The following KLK3 variants were observed in gnomAD, a reference collection of about 807,000 sequenced individuals.
The protein encoded by KLK3 is prostate-specific antigen.
In KLK3, 23 loss-of-function variants were observed where a neutral mutation model predicts 27.7. That is an observed-to-expected ratio of 0.83 (90% CI 0.60 to 1.17). The LOEUF is 1.17. Among genes scored for constraint, KLK3 ranks in the 50% most tolerant of loss-of-function variants. KLK3 has a pLI of 0.00. For missense variants in KLK3, 322 were observed against 338.1 expected (o/e 0.95, Z 0.37); for synonymous variants, 142 against 134.2 (o/e 1.06, Z -0.40).
chr19:50,857,928 C>T (rs2090159147), intron 2 of KLK3, 101 bp from the exon 3 acceptor site: 2 of 1,285,432 alleles, frequency 1.6e-6, no homozygotes, highest in Admixed American at 2.4e-5. Context: ...GTTTTTCTCA[C>T]TGTTTCTTTT....
Position 50,858,104 on chromosome 19 carries a change from C to T in KLK3, c.282C>T (p.His94=). The T allele has an allele frequency of 1.9e-6, 3 of 1,614,128 alleles. No homozygotes were observed. Among genetic ancestry groups the T allele is most frequent in the South Asian group, 1.1e-5 (1 of 91,078 alleles). Residue 94 remains histidine, a synonymous_variant, in exon 3 of 5, where the codon CAC becomes CAT. Transcript: ENST00000326003. ...CAGGCCAGGTATTTCAGGTCAGCCA[C>T]AGCTTCCCACACCCGCTCTACGATA... ...EDTGQVFQVS[H]SFPHPLYDMS...
Position 50,860,165 on chromosome 19 carries a change from C to A in KLK3, c.*38C>A, listed in dbSNP as rs1436539959. 7 of 1,524,164 alleles carry A rather than the reference C, an allele frequency of 4.6e-6. No homozygotes were observed. The highest frequency in any genetic ancestry group is 2.3e-5 in the East Asian group (1 of 44,236). The allele number at this position is 1,524,164 out of a possible 1,614,324, so 94.4% of individuals were successfully genotyped here. A position where few individuals can be genotyped will look rare whatever the true frequency, so the allele number is the denominator to read the frequency against. ...ACCCCCTATTGTAGTAAACTTGGAA[C>A]CTTGGAAATGACCAGGCCAAGACTC... On this transcript the variant is annotated 3_prime_UTR_variant, in exon 5 of 5. Coordinates refer to ENST00000326003, the MANE Select transcript of KLK3 (RefSeq NM_001648.2).
At chr19:50,859,950 C>A in intron 4 of KLK3, 22 bp from the exon 5 acceptor site, 2 of 1,597,958 alleles carry the variant, frequency 1.3e-6, no homozygotes, top group Admixed American at 1.7e-5. Flanking sequence ...CTATCTCACT[C>A]TCTCCCTGCT....
At chr19:50,855,916 C>G (rs2090143802) in intron 1 of KLK3, 3 of 215,224 alleles carry the variant, frequency 1.4e-5, no homozygotes, top group Non-Finnish European at 1.8e-5. Context: ...GTCCAAGACC[C>G]CAAATCACCA....
chr19:50,856,478 C>T, intron 2 of KLK3, 79 bp downstream of exon 2: 2 of 1,519,860 alleles, frequency 1.3e-6, no homozygotes, highest in Non-Finnish European at 1.8e-6. Flanking sequence ...CCCAGGATAA[C>T]CTCTAAGGCC....
intron 4 of KLK3, chr19:50,859,593 G>C: frequency 6.2e-7 from 1 of 1,613,776 alleles, no homozygotes; most frequent in Non-Finnish European, 8.5e-7. Context: ...TGGCTCCCTA[G>C]TGCCCTGGAG....
At position 50,860,746 on chromosome 19, in the gene KLK3, A is replaced by ATTTCTTTATTTC. The variant is rs1219012542; in HGVS notation, c.*619_*620insTTTCTTTATTTC. 3 of 152,230 alleles carry ATTTCTTTATTTC rather than the reference A, an allele frequency of 2.0e-5. No homozygotes were observed. Among genetic ancestry groups the ATTTCTTTATTTC allele is most frequent in the African/African-American group, 7.2e-5 (3 of 41,448 alleles). The allele number at this position is 152,230 out of a possible 1,614,324, so 9.4% of individuals were successfully genotyped here. A position where few individuals can be genotyped will look rare whatever the true frequency, so the allele number is the denominator to read the frequency against. On this transcript the variant is annotated 3_prime_UTR_variant, in exon 5 of 5. Transcript: ENST00000326003. ...ATTTCCTAGTAGAACTCACAGAAATAAAGAGCTGTTATACTGTGGTTTATT... is the reference window on the plus strand; with the variant it reads ...ATTTCCTAGTAGAACTCACAGAAATATTTCTTTATTTCAAGAGCTGTTATACTGTGGTTTATT...
chr19:50,859,524 C>A, intron 4 of KLK3: 2 of 1,610,108 alleles, frequency 1.2e-6, no homozygotes, highest in South Asian at 2.2e-5. Flanking sequence ...CTCCACCTAC[C>A]CACAGTGGGT....
intron 4 of KLK3, chr19:50,859,445 C>T (rs1731666632): frequency 9.1e-7 from 1 of 1,097,802 alleles, no homozygotes; most frequent in South Asian, 1.3e-5. Flanking sequence ...CAGGCATTGT[C>T]CCCACCTGGG....
At chr19:50,857,179 AAAAAGAAAAG>A (rs1174575419) in intron 2 of KLK3, among the ~76,000 whole-genome samples, 92 of 145,344 alleles carry the variant, frequency 6.3e-4, no homozygotes, top group African/African-American at 2.2e-3. Flanking sequence ...AAAAAAAAAA[AAAAAGAAAAG>A]AAAAGAAAAG....
In KLK3 at chr19:50,860,213, C is replaced by A; in HGVS notation, c.*86C>A. 1 of 1,072,702 alleles carries A rather than the reference C, an allele frequency of 9.3e-7. No homozygotes were observed. The highest frequency in any genetic ancestry group is 1.4e-6 in the Non-Finnish European group (1 of 716,386). The allele number at this position is 1,072,702 out of a possible 1,614,324, so 66.4% of individuals were successfully genotyped here. A position where few individuals can be genotyped will look rare whatever the true frequency, so the allele number is the denominator to read the frequency against. ...CTCAAGCCTCCCCAGTTCTACTGAC[C>A]TTTGTCCTTAGGTGTGAGGTCCAGG... On this transcript the variant is annotated 3_prime_UTR_variant, in exon 5 of 5. Transcript: ENST00000326003.
intron 2 of KLK3, among the ~76,000 whole-genome samples, chr19:50,857,009 A>G (rs1246709468): frequency 6.6e-6 from 1 of 151,640 alleles, no homozygotes; most frequent in Non-Finnish European, 1.5e-5. Context: ...TAAAAATACA[A>G]AAAATTAGCC....
intron 2 of KLK3, 189 bp downstream of exon 2, chr19:50,856,588 A>G (rs2090148855): frequency 3.4e-6 from 2 of 591,348 alleles, no homozygotes; most frequent in Admixed American, 3.2e-5. Context: ...CTGGGTCTCC[A>G]TCTGTGTTCC....
chr19:50,857,456 G>T (rs1474036347), intron 2 of KLK3: 1 of 153,580 alleles, frequency 6.5e-6, no homozygotes, highest in East Asian at 1.9e-4. Context: ...TACCCACTTG[G>T]AAACCCACGC....
At position 50,860,195 on chromosome 19, in the gene KLK3, C is replaced by A; in HGVS notation, c.*68C>A. 8.3e-7 allele frequency: 1 copy of A among 1,205,012 alleles called. No homozygotes were observed. The highest frequency in any genetic ancestry group is 1.4e-5 in the South Asian group (1 of 73,208). 74.6% of individuals were successfully genotyped at this position (1,205,012 alleles called of 1,614,324 possible). A position where few individuals can be genotyped will look rare whatever the true frequency, so the allele number is the denominator to read the frequency against. ...GAAATGACCAGGCCAAGACTCAAGC[C>A]TCCCCAGTTCTACTGACCTTTGTCC... On this transcript the variant is annotated 3_prime_UTR_variant, in exon 5 of 5. Coordinates refer to ENST00000326003, the MANE Select transcript of KLK3 (RefSeq NM_001648.2).
chr19:50,858,845 C>T, intron 4 of KLK3: 1 of 594,936 alleles, frequency 1.7e-6, no homozygotes, highest in South Asian at 2.1e-5. Flanking sequence ...TGCTATGCAC[C>T]CAGCACTGCC....
Position 50,858,105 on chromosome 19 carries a change from A to G in KLK3, c.283A>G (p.Ser95Gly), listed in dbSNP as rs1568496017. 1.2e-6 allele frequency: 2 copies of G among 1,613,974 alleles called. No homozygotes were observed. The highest frequency in any genetic ancestry group is 2.2e-5 in the East Asian group (1 of 44,892). The change falls in exon 3 of 5, where the codon AGC becomes GGC. Residue 95 changes from serine (S) to glycine (G), a missense_variant. Ser to Gly is a moderately conservative substitution (Grantham distance 56). Transcript: ENST00000326003. ...DTGQVFQVSH[S>G]FPHPLYDMSL... ...AGGCCAGGTATTTCAGGTCAGCCAC[A>G]GCTTCCCACACCCGCTCTACGATAT...
At position 50,858,287 on chromosome 19, in the gene KLK3, A is replaced by C; in HGVS notation, c.465A>C (p.Ser155=). 6.2e-7 allele frequency: 1 copy of C among 1,613,982 alleles called. No individual in the cohort carries two copies. Among genetic ancestry groups the C allele is most frequent in the Non-Finnish European group, 8.5e-7 (1 of 1,179,946 alleles). Residue 155 remains serine, a synonymous_variant, in exon 3 of 5, where the codon TCA becomes TCC. Transcript: ENST00000326003. ...EPALGTTCYA[S]GWGSIEPEEF... ...CACTGGGGACCACCTGCTACGCCTC[A>C]GGCTGGGGCAGCATTGAACCAGAGG...
At chr19:50,857,663 T>G in intron 2 of KLK3, 1 of 181,288 alleles carries the variant, frequency 5.5e-6, no homozygotes, top group Non-Finnish European at 1.1e-5. Flanking sequence ...CTGGTTTTGT[T>G]CTTCTCTCTC....
Sources: allele counts gnomAD v4.1 joint callset (sites outside exome capture counted in the v4.1 genomes callset), GRCh38; gene constraint gnomAD v4.1.1; transcripts MANE v1.5; gene names NCBI Gene and HGNC (gene_info 2026-07-23, HGNC 2026-07-21).